The following HK1 variants were observed in gnomAD, a reference collection of about 807,000 sequenced individuals.
HK1 encodes hexokinase-1.
In HK1, 28 loss-of-function variants were observed where a neutral mutation model predicts 91.6. The ratio of observed to expected loss-of-function variants is 0.31; its 90% confidence interval spans 0.23 to 0.42. HK1 has a LOEUF of 0.42. Among genes scored for constraint, HK1 ranks in the 10% least tolerant of loss-of-function variants. The probability of loss-of-function intolerance (pLI) is 1.00; values close to 1 mark genes in which losing one functional copy is unlikely to be tolerated. For synonymous variants in HK1, 430 were observed against 468.1 expected (o/e 0.92, Z 1.05); for missense variants, 770 against 1,219.8 (o/e 0.63, Z 5.49).
upstream of HK1, chr10:69,315,956 T>G (rs1340943798): frequency 1.2e-6 from 2 of 1,614,086 alleles, no homozygotes; most frequent in Non-Finnish European, 1.7e-6. Context: ...TATATCCAGA[T>G]GGACTGTGAG....
At chr10:69,330,885 CTT>C (rs1254023279) in intron 1 of HK1, among the ~76,000 whole-genome samples, 3 of 143,820 alleles carry the variant, frequency 2.1e-5, no homozygotes, top group Admixed American at 7.0e-5. Context: ...TTCTTTTTTT[CTT>C]TTTTTTTTTT....
chr10:69,319,055 C>T (rs1407491011), intron 1 of HK1, 45 bp downstream of exon 1: 15 of 1,566,078 alleles, frequency 9.6e-6, no homozygotes, highest in African/African-American at 1.4e-5. Context: ...CGCAGCCTTG[C>T]GTTCCGGCAT....
rs1046689285 is a variant in HK1 at position 69,318,879 on chromosome 10, C to T, written c.-69C>T. 2.0e-6 allele frequency: 3 copies of T among 1,519,328 alleles called. No individual in the cohort carries two copies. The highest frequency in any genetic ancestry group is 2.6e-6 in the Non-Finnish European group (3 of 1,133,594). The allele number at this position is 1,519,328 out of a possible 1,614,324, so 94.1% of individuals were successfully genotyped here. A position where few individuals can be genotyped will look rare whatever the true frequency, so the allele number is the denominator to read the frequency against. On this transcript the variant is annotated 5_prime_UTR_variant, in exon 1 of 18. Coordinates refer to ENST00000359426, the MANE Select transcript of HK1 (RefSeq NM_000188.3). ...AGCCGCCGAGCAGCCGCCGGAGGACCACGGCTCGCCAGGGCTGCGGAGGAC... is the reference window on the plus strand; with the variant it reads ...AGCCGCCGAGCAGCCGCCGGAGGACTACGGCTCGCCAGGGCTGCGGAGGAC...
intron 1 of HK1, chr10:69,278,809 TC>T (rs1844592884): frequency 6.6e-6 from 1 of 152,122 alleles, no homozygotes; most frequent in South Asian, 2.1e-4. Context: ...GTTTTTTTTT[TC>T]CCTTATTGAT....
At chr10:69,386,248 G>A in intron 12 of HK1, 75 bp from the exon 13 acceptor site, 2 of 1,163,042 alleles carry the variant, frequency 1.7e-6, no homozygotes, top group South Asian at 1.3e-5. Flanking sequence ...TGACTCAGGA[G>A]GGAGGGTTGG....
At chr10:69,348,576 C>T (rs373244412) in intron 2 of HK1, among the ~76,000 whole-genome samples, 8 of 152,138 alleles carry the variant, frequency 5.3e-5, no homozygotes, top group East Asian at 3.9e-4. Flanking sequence ...TTTGGGAGGC[C>T]GAGGCAGGCG....
chr10:69,304,533 C>G (rs1846021447), intron 5 of HK1, among the ~76,000 whole-genome samples: 1 of 152,174 alleles, frequency 6.6e-6, no homozygotes, highest in South Asian at 2.1e-4. Context: ...GTCTCGAACT[C>G]CTGACCTCAA....
At chr10:69,344,418 G>C (rs1026752143) in intron 2 of HK1, among the ~76,000 whole-genome samples, 1 of 151,814 alleles carries the variant, frequency 6.6e-6, no homozygotes, top group South Asian at 2.1e-4. Context: ...GGGAATCAAA[G>C]CTTCCCTCTC....
At chr10:69,379,588 A>G (rs1156489204) in intron 8 of HK1, among the ~76,000 whole-genome samples, 1 of 152,162 alleles carries the variant, frequency 6.6e-6, no homozygotes, top group Non-Finnish European at 1.5e-5. Context: ...ACCTGTTCAG[A>G]GGCCACATAG....
At chr10:69,273,178 C>T (rs189843614) in intron 1 of HK1, among the ~76,000 whole-genome samples, 7 of 151,352 alleles carry the variant, frequency 4.6e-5, no homozygotes, top group South Asian at 2.1e-4. Flanking sequence ...TACAGGTGCC[C>T]GCCACCATGC....
At chr10:69,301,054 G>A (rs368964805) in intron 5 of HK1, among the ~76,000 whole-genome samples, 5 of 151,986 alleles carry the variant, frequency 3.3e-5, no homozygotes, top group African/African-American at 1.2e-4. Context: ...ACCAGCCTTG[G>A]TTTCAGACTG....
intron 5 of HK1, among the ~76,000 whole-genome samples, chr10:69,304,079 T>G (rs1424945569): frequency 6.6e-6 from 1 of 152,142 alleles, no homozygotes; most frequent in Non-Finnish European, 1.5e-5. Context: ...TATCTTAGGC[T>G]TTACAATAGT....
intron 1 of HK1, among the ~76,000 whole-genome samples, chr10:69,335,119 G>A (rs1213956687): frequency 2.6e-5 from 4 of 152,294 alleles, no homozygotes; most frequent in African/African-American, 9.6e-5. Context: ...TCCCTGCTCA[G>A]AGACCGGCTG....
chr10:69,314,392 G>T (rs1846535705), upstream of HK1, among the ~76,000 whole-genome samples: 1 of 152,184 alleles, frequency 6.6e-6, no homozygotes, highest in African/African-American at 2.4e-5. Context: ...GGTGCAGCCA[G>T]GTTGGAAACC....
intron 1 of HK1, chr10:69,338,250 G>T: frequency 2.6e-6 from 3 of 1,137,778 alleles, no homozygotes; most frequent in Non-Finnish European, 3.3e-6. Flanking sequence ...TCATAGGAAG[G>T]GCTCTTCACT....
Position 69,365,991 on chromosome 10 carries a change from C to T in HK1, c.495+1089C>T, listed in dbSNP as rs140850021. ...GATTACAGGTGCCCACCACCATGTCCGGCTAATTTTTGTATTTTTGGCAGA... is the reference window on the plus strand; with the variant it reads ...GATTACAGGTGCCCACCACCATGTCTGGCTAATTTTTGTATTTTTGGCAGA... On this transcript the variant is annotated intron_variant, in intron 4 of 17. Coordinates refer to ENST00000359426, the MANE Select transcript of HK1 (RefSeq NM_000188.3). 8.2e-3 allele frequency among the ~76,000 whole-genome samples: 1,244 copies of T among 152,110 alleles called. 17 individuals carry two copies. Among genetic ancestry groups the T allele is most frequent in the African/African-American group, 0.029 (1,188 of 41,508 alleles).
chr10:69,306,096 C>G (rs927442619), intron 5 of HK1, among the ~76,000 whole-genome samples: 1 of 151,922 alleles, frequency 6.6e-6, no homozygotes, highest in Non-Finnish European at 1.5e-5. Flanking sequence ...GTGGCTCACG[C>G]CTGTAATCCC....
Position 69,322,872 on chromosome 10 carries a change from G to A in HK1, c.63+3862G>A, listed in dbSNP as rs190052312. 2.7e-3 allele frequency among the ~76,000 whole-genome samples: 391 copies of A among 145,480 alleles called. 2 individuals carry two copies. The highest frequency in any genetic ancestry group is 9.6e-3 in the African/African-American group (378 of 39,324). ...GCCATTGCACTCCAGCCTAGGCAACGAGAGCGAAACTCCGTCTCAAAAAAA... is the reference window on the plus strand; with the variant it reads ...GCCATTGCACTCCAGCCTAGGCAACAAGAGCGAAACTCCGTCTCAAAAAAA... On this transcript the variant is annotated intron_variant, in intron 1 of 17. Transcript: ENST00000359426.
chr10:69,377,501 G>A (rs1839176641), intron 8 of HK1, among the ~76,000 whole-genome samples: 1 of 151,976 alleles, frequency 6.6e-6, no homozygotes, highest in South Asian at 2.1e-4. Context: ...CCAGTCTGGA[G>A]ACCTCCAGAC....
Sources: allele counts gnomAD v4.1 joint callset (sites outside exome capture counted in the v4.1 genomes callset), GRCh38; gene constraint gnomAD v4.1.1; transcripts MANE v1.5; gene names NCBI Gene and HGNC (gene_info 2026-07-23, HGNC 2026-07-21).